CSMD3: variants seen among roughly 807,000 people sequenced by gnomAD.
CSMD3 encodes the protein CUB and Sushi multiple domains 3.
In CSMD3, 177 loss-of-function variants were observed where a neutral mutation model predicts 435.2. The observed-to-expected ratio is 0.41, with a 90% CI of 0.36 to 0.46. The LOEUF (loss-of-function observed/expected upper bound fraction) is 0.46. Among genes scored for constraint, CSMD3 ranks in the 20% least tolerant of loss-of-function variants. The pLI is 0.34. For synonymous variants in CSMD3, 1,656 were observed against 1,520.5 expected (o/e 1.09, Z -2.07); for missense variants, 4,265 against 4,504.6 (o/e 0.95, Z 1.52).
At chr8:112,907,168 T>C (rs1015475461) in intron 10 of CSMD3, among the ~76,000 whole-genome samples, 1 of 151,434 alleles carries the variant, frequency 6.6e-6, no homozygotes. Flanking sequence ...ACTGCTGAGT[T>C]AGGGTTTAGG....
intron 18 of CSMD3, among the ~76,000 whole-genome samples, chr8:112,651,271 A>T (rs1045291292): frequency 6.6e-6 from 1 of 152,194 alleles, no homozygotes; most frequent in Admixed American, 6.5e-5. Flanking sequence ...AATTATATTA[A>T]ATCATATTTA....
intron 10 of CSMD3, among the ~76,000 whole-genome samples, chr8:112,907,664 T>C (rs1359756998): frequency 2.6e-5 from 4 of 151,270 alleles, no homozygotes; most frequent in Non-Finnish European, 4.4e-5. Context: ...ATATTAACCA[T>C]GGTCATATCT....
intron 2 of CSMD3, chr8:113,312,625 C>G (rs1588495370): frequency 6.6e-6 from 1 of 152,102 alleles, no homozygotes; most frequent in East Asian, 1.9e-4. Flanking sequence ...GCATTACTAT[C>G]AGGGAATTGA....
At chr8:112,668,316 T>G (rs1478999041) in intron 16 of CSMD3, among the ~76,000 whole-genome samples, 1 of 152,132 alleles carries the variant, frequency 6.6e-6, no homozygotes, top group Admixed American at 6.6e-5. Flanking sequence ...GAGCTAAGTA[T>G]TTTAGTGACA....
intron 31 of CSMD3, among the ~76,000 whole-genome samples, chr8:112,488,695 A>G (rs765361505): frequency 6.6e-6 from 1 of 152,214 alleles, no homozygotes; most frequent in Non-Finnish European, 1.5e-5. Context: ...AGGCGTACAC[A>G]TATTAATGTA....
rs534268912 is a variant in CSMD3, at chr8:112,835,315, C to T, written c.1756-5526G>A. Among the ~76,000 whole-genome samples, 3 of 151,912 alleles carry T rather than the reference C, an allele frequency of 2.0e-5. No homozygotes were observed. In the South Asian group the frequency reaches 6.2e-4, roughly 32 times the overall value. ...TTTAATACCATAACTTCTACATTGT[C>T]ATATTTTCTGAAGCCATGCGGAATT... On this transcript the variant is annotated intron_variant, in intron 11 of 70. Coordinates refer to ENST00000297405, the MANE Select transcript of CSMD3 (RefSeq NM_198123.2).
At chr8:113,102,867 T>G (rs2090369861) in intron 4 of CSMD3, among the ~76,000 whole-genome samples, 2 of 152,090 alleles carry the variant, frequency 1.3e-5, no homozygotes, top group South Asian at 4.1e-4. Flanking sequence ...AACATTAAAG[T>G]GTTTTTAGTG....
chr8:112,769,874 A>T (rs2078069178), intron 13 of CSMD3, among the ~76,000 whole-genome samples: 1 of 152,014 alleles, frequency 6.6e-6, no homozygotes, highest in Admixed American at 6.6e-5. Context: ...ACTAAAATAA[A>T]GGGAATCTAT....
intron 63 of CSMD3, among the ~76,000 whole-genome samples, chr8:112,253,832 A>G (rs966801622): frequency 2.6e-5 from 4 of 151,990 alleles, no homozygotes; most frequent in Non-Finnish European, 5.9e-5. Context: ...TTAGTGCTTT[A>G]TTGAATAACC....
chr8:113,250,323 A>C (rs2132294765), intron 3 of CSMD3, among the ~76,000 whole-genome samples: 1 of 152,212 alleles, frequency 6.6e-6, no homozygotes, highest in African/African-American at 2.4e-5. Flanking sequence ...AAAACAAAGA[A>C]GGCTATATTC....
At chr8:113,249,036 T>C (rs1334073197) in intron 3 of CSMD3, among the ~76,000 whole-genome samples, 1 of 152,052 alleles carries the variant, frequency 6.6e-6, no homozygotes, top group Non-Finnish European at 1.5e-5. Flanking sequence ...TAGACATAAA[T>C]GAGTCATGGG....
At chr8:113,371,171 A>C (rs10103599) in intron 1 of CSMD3, among the ~76,000 whole-genome samples, 1 of 151,946 alleles carries the variant, frequency 6.6e-6, no homozygotes, top group East Asian at 1.9e-4. Context: ...TTCTATTATA[A>C]TGAGTTGCTT....
chr8:112,402,294 A>G (rs1295414226), intron 35 of CSMD3, among the ~76,000 whole-genome samples: 1 of 152,198 alleles, frequency 6.6e-6, no homozygotes, highest in Non-Finnish European at 1.5e-5. Context: ...ATTTAGTACA[A>G]TTCCCAGCTC....
At chr8:112,895,620 G>T (rs554086186) in intron 10 of CSMD3, among the ~76,000 whole-genome samples, 1 of 151,404 alleles carries the variant, frequency 6.6e-6, no homozygotes, top group Non-Finnish European at 1.5e-5. Context: ...GGTGCTGAGC[G>T]AGGGGAATCA....
chr8:112,288,792 T>C (rs1392555016), intron 57 of CSMD3, among the ~76,000 whole-genome samples: 1 of 152,092 alleles, frequency 6.6e-6, no homozygotes, highest in East Asian at 1.9e-4. Flanking sequence ...TAAAATATCT[T>C]TAATACTGAT....
intron 2 of CSMD3, among the ~76,000 whole-genome samples, chr8:113,299,122 T>A (rs1467156535): frequency 2.6e-5 from 4 of 152,122 alleles, no homozygotes; most frequent in Non-Finnish European, 5.9e-5. Flanking sequence ...CAACAATACT[T>A]TTTAGAAAGA....
intron 53 of CSMD3, among the ~76,000 whole-genome samples, chr8:112,299,466 A>C (rs1250920710): frequency 5.3e-5 from 8 of 152,148 alleles, no homozygotes; most frequent in Admixed American, 5.2e-4. Flanking sequence ...TTCAAAATGC[A>C]TCAAAAAAAT....
chr8:113,276,986 A>C lies in CSMD3; in HGVS notation c.514+1606T>G, dbSNP rs79712411. ...AAATATTTTTTAGTATGAGTTCATG[A>C]AACCTGACAGCCAAACCAAAAAACA... On this transcript the variant is annotated intron_variant, in intron 3 of 70. Transcript: ENST00000297405. Among the ~76,000 whole-genome samples the C allele has an allele frequency of 5.1e-3, 777 of 152,164 alleles. 10 individuals are homozygous for C. Among genetic ancestry groups the C allele is most frequent in the African/African-American group, 0.018 (750 of 41,542 alleles).
chr8:112,410,293 TG>T (rs34187642), intron 32 of CSMD3, among the ~76,000 whole-genome samples: 151,407 of 151,408 alleles, frequency 1, 75,703 homozygotes, highest in Non-Finnish European at 1. Flanking sequence ...TTCTGAACAT[TG>T]GCTGTGCTAA....
Sources: allele counts gnomAD v4.1 joint callset (sites outside exome capture counted in the v4.1 genomes callset), GRCh38; gene constraint gnomAD v4.1.1; transcripts MANE v1.5; gene names NCBI Gene and HGNC (gene_info 2026-07-23, HGNC 2026-07-21).